Variants in PPFIA2 observed in about 807,000 individuals in gnomAD.
PPFIA2 encodes the protein liprin-alpha-2.
PPFIA2 carries 46 observed loss-of-function variants against 175.5 expected under a neutral mutation model. The observed-to-expected ratio is 0.26, with a 90% confidence interval of 0.21 to 0.34. The LOEUF is 0.34. Ranked by LOEUF, PPFIA2 falls within the 10% of genes least tolerant of loss-of-function variation. The pLI, the probability that PPFIA2 is intolerant of heterozygous loss-of-function variation, is 1.00. For synonymous variants in PPFIA2, 568 were observed against 511.4 expected (o/e 1.11, Z -1.49); for missense variants, 1,179 against 1,506.1 (o/e 0.78, Z 3.60).
chr12:81,652,552 A>C (rs1459063955), intron 4 of PPFIA2, among the ~76,000 whole-genome samples: 1 of 152,002 alleles, frequency 6.6e-6, no homozygotes, highest in Non-Finnish European at 1.5e-5. Context: ...CAGTTATATC[A>C]ATTACTGTGG....
chr12:81,747,860 C>G (rs112568593), intron 3 of PPFIA2, among the ~76,000 whole-genome samples: 1 of 144,170 alleles, frequency 6.9e-6, no homozygotes, highest in African/African-American at 2.4e-5. Flanking sequence ...CCATAAGTAG[C>G]CTCTTTTAAT....
rs557074776 is a variant in PPFIA2 at position 81,676,712 on chromosome 12, T to C, written c.303+79A>G. 1.6e-4 allele frequency: 157 copies of C among 979,132 alleles called. 3 individuals carry two copies. In the South Asian group the frequency reaches 4.0e-3, roughly 25 times the overall value. 60.7% of individuals were successfully genotyped at this position (979,132 alleles called of 1,614,324 possible). A position where few individuals can be genotyped will look rare whatever the true frequency, so the allele number is the denominator to read the frequency against. On this transcript the variant is annotated intron_variant, in intron 4 of 32. Coordinates refer to ENST00000549396, the MANE Select transcript of PPFIA2 (RefSeq NM_003625.5). ...AAGTACCTGCATATGACAAATAATA[T>C]ACAAGCAATCAACTGATAATCTGGT...
intron 6 of PPFIA2, among the ~76,000 whole-genome samples, chr12:81,444,056 G>A (rs538566398): frequency 4.0e-5 from 6 of 150,952 alleles, no homozygotes; most frequent in South Asian, 4.2e-4. Flanking sequence ...GGGTTTCACC[G>A]TGTTAGCCAG....
chr12:81,499,388 C>T (rs868456117), intron 4 of PPFIA2, among the ~76,000 whole-genome samples: 1 of 152,300 alleles, frequency 6.6e-6, no homozygotes, highest in Middle Eastern at 3.4e-3. Context: ...TTTTACCCTA[C>T]ATCTGAGCAG....
chr12:81,445,850 G>A, intron 5 of PPFIA2, 130 bp from the exon 6 acceptor site: 1 of 772,196 alleles, frequency 1.3e-6, no homozygotes, highest in Non-Finnish European at 2.0e-6. Flanking sequence ...ACTGCAAGCA[G>A]CAACAAAGAA....
intron 4 of PPFIA2, among the ~76,000 whole-genome samples, chr12:81,642,675 GTA>G (rs1491434130): frequency 1.9e-5 from 1 of 51,508 alleles, no homozygotes; most frequent in Non-Finnish European, 5.7e-5. Flanking sequence ...ATACATACAT[GTA>G]TGTATCTATT....
chr12:81,743,411 CAAAAAAAAAAAAAAAAAA>C lies in PPFIA2; in HGVS notation c.249+10544_249+10561del, dbSNP rs772497730. Among the ~76,000 whole-genome samples, 50 of 24,858 alleles carry C rather than the reference CAAAAAAAAAAAAAAAAAA, an allele frequency of 2.0e-3. 2 individuals carry two copies. Among genetic ancestry groups the C allele is most frequent in the Admixed American group, 7.7e-3 (10 of 1,296 alleles). 16.3% of individuals were successfully genotyped at this position (24,858 alleles called of 152,430 possible). A position where few individuals can be genotyped will look rare whatever the true frequency, so the allele number is the denominator to read the frequency against. On this transcript the variant is annotated intron_variant, in intron 3 of 32. Transcript: ENST00000549396. Reference sequence around the variant, plus strand: ...CGGGCCACAGAGTGAGACTCCGTCTCAAAAAAAAAAAAAAAAAAAAAAAAAAAAAAAAAACTTTTGCTG... The same window carrying C: ...CGGGCCACAGAGTGAGACTCCGTCTCAAAAAAAAAAAAAAAACTTTTGCTG...
At chr12:81,601,416 G>A (rs1173125948) in intron 4 of PPFIA2, among the ~76,000 whole-genome samples, 1 of 151,812 alleles carries the variant, frequency 6.6e-6, no homozygotes, top group Non-Finnish European at 1.5e-5. Flanking sequence ...GTCCATTGTG[G>A]TTGAGGCCAA....
At chr12:81,321,661 C>T (rs559741425) in intron 22 of PPFIA2, among the ~76,000 whole-genome samples, 3 of 152,178 alleles carry the variant, frequency 2.0e-5, no homozygotes, top group East Asian at 1.9e-4. Flanking sequence ...GCTCTACCAG[C>T]TTTACTGGAA....
chr12:81,722,120 T>G (rs2079435759), intron 3 of PPFIA2, among the ~76,000 whole-genome samples: 1 of 151,042 alleles, frequency 6.6e-6, no homozygotes, highest in Non-Finnish European at 1.5e-5. Context: ...ATAATATTTT[T>G]TATTGTACAA....
chr12:81,353,883 C>T (rs146104956), intron 16 of PPFIA2, among the ~76,000 whole-genome samples: 2 of 152,196 alleles, frequency 1.3e-5, no homozygotes, highest in East Asian at 1.9e-4. Context: ...TAGTTCCAGC[C>T]CACCCTGATA....
chr12:81,752,483 T>C (rs1447454072), intron 3 of PPFIA2, among the ~76,000 whole-genome samples: 1 of 152,194 alleles, frequency 6.6e-6, no homozygotes, highest in African/African-American at 2.4e-5. Context: ...AAACATTTTG[T>C]GTGATGACAC....
In PPFIA2 at chr12:81,759,262, T is replaced by C. The variant is rs2085159417; in HGVS notation, c.-111+18A>G. 6.7e-6 allele frequency: 1 copy of C among 149,548 alleles called. No homozygotes were observed. The highest frequency in any genetic ancestry group is 2.1e-4 in the South Asian group (1 of 4,658). 9.3% of individuals were successfully genotyped at this position (149,548 alleles called of 1,614,324 possible). A position where few individuals can be genotyped will look rare whatever the true frequency, so the allele number is the denominator to read the frequency against. ...CTGCAAGCCTCTTTGCTTGCTTCAA[T>C]TGGCCGGAAGAACCAACCTGCTGGC... On this transcript the variant is annotated intron_variant, in intron 1 of 32. Coordinates refer to ENST00000549396, the MANE Select transcript of PPFIA2 (RefSeq NM_003625.5).
chr12:81,410,805 TTC>T (rs1056911028), intron 7 of PPFIA2, among the ~76,000 whole-genome samples: 1 of 152,024 alleles, frequency 6.6e-6, no homozygotes, highest in Non-Finnish European at 1.5e-5. Context: ...TGGGAAACGA[TTC>T]TCTCTATCTA....
intron 3 of PPFIA2, among the ~76,000 whole-genome samples, chr12:81,681,193 A>T (rs546605788): frequency 6.6e-6 from 1 of 152,046 alleles, no homozygotes; most frequent in South Asian, 2.1e-4. Flanking sequence ...AATTTTTATC[A>T]TCAATGCTGA....
At chr12:81,357,348 G>A (rs2141069894) in intron 16 of PPFIA2, among the ~76,000 whole-genome samples, 1 of 152,136 alleles carries the variant, frequency 6.6e-6, no homozygotes, top group African/African-American at 2.4e-5. Context: ...AGTCATCAAG[G>A]GCCTGTGTAC....
chr12:81,384,475 G>T (rs1490267699), intron 8 of PPFIA2, among the ~76,000 whole-genome samples: 1 of 151,958 alleles, frequency 6.6e-6, no homozygotes, highest in Non-Finnish European at 1.5e-5. Context: ...TTTGAAATAT[G>T]CTATGCTATG....
chr12:81,285,619 C>A (rs1299221905), intron 24 of PPFIA2, among the ~76,000 whole-genome samples: 10 of 152,010 alleles, frequency 6.6e-5, no homozygotes. Context: ...TTCCTGTCAC[C>A]TAGTGATATC....
rs139639076 is a variant in PPFIA2, at chr12:81,269,793, C to T, written c.3311-1706G>A. 3.2e-3 allele frequency among the ~76,000 whole-genome samples: 483 copies of T among 152,236 alleles called. 10 individuals carry two copies. The highest frequency in any genetic ancestry group is 0.011 in the African/African-American group (457 of 41,534). On this transcript the variant is annotated intron_variant, in intron 28 of 32. Transcript: ENST00000549396. Reference sequence around the variant, plus strand: ...TCTACGCTTTAGCAAATAGCAGTGGCGTGTTCATGATCATTGCTATCTAGC... The same window carrying T: ...TCTACGCTTTAGCAAATAGCAGTGGTGTGTTCATGATCATTGCTATCTAGC...
Sources: gnomAD v4.1 joint callset for allele counts (sites outside exome capture counted in the v4.1 genomes callset) on GRCh38, gnomAD v4.1.1 for gene constraint, MANE v1.5 for transcripts, NCBI Gene and HGNC (gene_info 2026-07-23, HGNC 2026-07-21) for gene names.